The following MAF variants were observed in gnomAD, a reference collection of about 807,000 sequenced individuals.
MAF encodes the protein MAF bZIP transcription factor, also known as transcription factor Maf.
A neutral mutation model predicts 22.0 loss-of-function variants in MAF; 10 were observed. The observed-to-expected ratio is 0.45, with a 90% CI of 0.28 to 0.77. The LOEUF (loss-of-function observed/expected upper bound fraction) is 0.77, where lower values mean the gene tolerates loss of function less well. Ranked by LOEUF, MAF falls within the 30% of genes least tolerant of loss-of-function variation. The pLI is 0.12. For synonymous variants in MAF, 337 were observed against 255.8 expected, an observed-to-expected ratio of 1.32 and a Z score of -3.03; for missense variants, 544 against 548.4, an observed-to-expected ratio of 0.99 and a Z score of 0.08.
chr16:79,301,841 G>C, the MAF span, among the ~76,000 whole-genome samples: 112 of 152,304 alleles, frequency 7.4e-4, 1 homozygote, highest in South Asian at 1.9e-3. Flanking sequence ...TAATGACCCT[G>C]TGAAATGGAA....
At chr16:79,377,973 C>T in the MAF span, among the ~76,000 whole-genome samples, 2 of 152,166 alleles carry the variant, frequency 1.3e-5, no homozygotes, top group Admixed American at 1.3e-4. Flanking sequence ...ATGCCTCCAG[C>T]TTTGTTCTTT....
At chr16:79,358,654 G>A in the MAF span, among the ~76,000 whole-genome samples, 1 of 152,216 alleles carries the variant, frequency 6.6e-6, no homozygotes, top group African/African-American at 2.4e-5. Flanking sequence ...ATGTAGGTGA[G>A]GGCTTTACAG....
At chr16:79,350,203 TG>T in the MAF span, among the ~76,000 whole-genome samples, 2 of 152,210 alleles carry the variant, frequency 1.3e-5, no homozygotes, top group Non-Finnish European at 2.9e-5. Flanking sequence ...ATGGACTCTA[TG>T]GACCTAAACC....
chr16:79,301,709 C>T, the MAF span, among the ~76,000 whole-genome samples: 1 of 152,088 alleles, frequency 6.6e-6, no homozygotes, highest in African/African-American at 2.4e-5. Context: ...GTGTATAAAG[C>T]ACACATATAT....
the MAF span, among the ~76,000 whole-genome samples, chr16:79,525,126 T>C: frequency 0.018 from 2,682 of 152,308 alleles, 85 homozygotes; most frequent in African/African-American, 0.061. Context: ...GCTTTTTTTT[T>C]CCCTGTGAGC....
At chr16:79,359,494 A>G in the MAF span, among the ~76,000 whole-genome samples, 1 of 152,216 alleles carries the variant, frequency 6.6e-6, no homozygotes, top group Non-Finnish European at 1.5e-5. Context: ...AGCCACATCA[A>G]GCTAATGCTT....
At chr16:79,340,444 T>C in the MAF span, among the ~76,000 whole-genome samples, 1 of 150,894 alleles carries the variant, frequency 6.6e-6, no homozygotes. Flanking sequence ...TCCCAGTGCC[T>C]GGCACTGGGA....
the MAF span, among the ~76,000 whole-genome samples, chr16:79,346,076 G>C: frequency 6.6e-6 from 1 of 151,912 alleles, no homozygotes; most frequent in African/African-American, 2.4e-5. Flanking sequence ...TGTGTACAAT[G>C]TGCAGGTTTG....
chr16:79,294,918 A>T, the MAF span, among the ~76,000 whole-genome samples: 2 of 152,220 alleles, frequency 1.3e-5, 1 homozygote, highest in Non-Finnish European at 2.9e-5. Flanking sequence ...GGAACAAAGA[A>T]GGAGGGTTTC....
the MAF span, among the ~76,000 whole-genome samples, chr16:79,567,477 T>C: frequency 2.6e-5 from 4 of 152,246 alleles, no homozygotes; most frequent in Non-Finnish European, 4.4e-5. Context: ...AGGGATTTTT[T>C]TGTTTTATCT....
At chr16:79,472,640 G>T in the MAF span, among the ~76,000 whole-genome samples, 1 of 152,056 alleles carries the variant, frequency 6.6e-6, no homozygotes, top group Non-Finnish European at 1.5e-5. Context: ...GGGAGTGACT[G>T]TTCATGGGTA....
the MAF span, among the ~76,000 whole-genome samples, chr16:79,562,647 C>G: frequency 6.6e-6 from 1 of 152,152 alleles, no homozygotes; most frequent in Non-Finnish European, 1.5e-5. Context: ...ACCTCGGACT[C>G]CAGGCTGAAG....
the MAF span, among the ~76,000 whole-genome samples, chr16:79,468,867 C>A: frequency 1.3e-5 from 2 of 152,152 alleles, no homozygotes; most frequent in African/African-American, 4.8e-5. Flanking sequence ...GCAGGAGACC[C>A]TTCTAATGGC....
the MAF span, among the ~76,000 whole-genome samples, chr16:79,383,943 C>G: frequency 4.3e-4 from 65 of 152,286 alleles, no homozygotes; most frequent in African/African-American, 1.6e-3. Context: ...ACAAAAAGTC[C>G]TGCCTGAAAA....
At chr16:79,336,314 C>T in the MAF span, among the ~76,000 whole-genome samples, 1 of 152,190 alleles carries the variant, frequency 6.6e-6, no homozygotes, top group East Asian at 1.9e-4. Context: ...TATGATCATC[C>T]TCATTTTGTA....
At chr16:79,260,682 G>A in the MAF span, among the ~76,000 whole-genome samples, 1 of 152,180 alleles carries the variant, frequency 6.6e-6, no homozygotes, top group African/African-American at 2.4e-5. Context: ...TGTTCAACAG[G>A]CGAAGCATCG....
the MAF span, among the ~76,000 whole-genome samples, chr16:79,486,760 A>G: frequency 6.6e-6 from 1 of 152,338 alleles, no homozygotes; most frequent in South Asian, 2.1e-4. Flanking sequence ...CATTACTTGG[A>G]AGAATAATTA....
the MAF span, among the ~76,000 whole-genome samples, chr16:79,565,091 C>T: frequency 6.6e-6 from 1 of 152,130 alleles, no homozygotes; most frequent in African/African-American, 2.4e-5. Context: ...CCTTGGACTT[C>T]TTACGGGAGA....
At chr16:79,552,180 G>C in the MAF span, among the ~76,000 whole-genome samples, 1 of 151,660 alleles carries the variant, frequency 6.6e-6, no homozygotes, top group South Asian at 2.1e-4. Context: ...TGATCCTGCT[G>C]CCTTGTTCTT....
Sources: allele counts gnomAD v4.1 joint callset (sites outside exome capture counted in the v4.1 genomes callset), GRCh38; gene constraint gnomAD v4.1.1; transcripts MANE v1.5; gene names NCBI Gene and HGNC (gene_info 2026-07-23, HGNC 2026-07-21).